The following ZNF407 variants were observed in gnomAD, a reference collection of about 807,000 sequenced individuals.
ZNF407 encodes the protein zinc finger protein 407.
ZNF407 carries 17 observed loss-of-function variants against 131.2 expected under a neutral mutation model. The ratio of observed to expected loss-of-function variants is 0.13; its 90% CI spans 0.09 to 0.19. The LOEUF is 0.19. ZNF407 is among the 10% of genes least tolerant of loss of function. ZNF407 has a pLI of 1.00. For synonymous variants in ZNF407, 1,156 were observed against 1,062.0 expected, an observed-to-expected ratio of 1.09 and a Z score of -1.72; for missense variants, 2,681 against 2,830.6, an observed-to-expected ratio of 0.95 and a Z score of 1.20.
At chr18:74,906,403 C>T (rs765479501) in intron 7 of ZNF407, among the ~76,000 whole-genome samples, 5 of 152,224 alleles carry the variant, frequency 3.3e-5, no homozygotes, top group Admixed American at 2.6e-4. Flanking sequence ...CACCTCTGCC[C>T]CAACTGTCAG....
chr18:74,676,649 T>G (rs936755211), intron 3 of ZNF407, among the ~76,000 whole-genome samples: 1 of 151,916 alleles, frequency 6.6e-6, no homozygotes, highest in Non-Finnish European at 1.5e-5. Context: ...TTAGCCAGGA[T>G]GGTCTCGATC....
At chr18:74,676,652 T>C (rs560976741) in intron 3 of ZNF407, among the ~76,000 whole-genome samples, 7 of 152,044 alleles carry the variant, frequency 4.6e-5, no homozygotes, top group East Asian at 1.9e-4. Flanking sequence ...GCCAGGATGG[T>C]CTCGATCTCC....
rs561993607 is a variant in ZNF407 at position 74,755,382 on chromosome 18, T to A, written c.4803-26046T>A. On this transcript the variant is annotated intron_variant, in intron 3 of 8. Transcript: ENST00000299687. ...ATTGTTATGTGTGAATTTGATCCTGTCATTATGATGTTAGCTGGTTATTTT... is the reference window on the plus strand; with the variant it reads ...ATTGTTATGTGTGAATTTGATCCTGACATTATGATGTTAGCTGGTTATTTT... Among the ~76,000 whole-genome samples, 4 of 152,290 alleles carry A rather than the reference T, an allele frequency of 2.6e-5. No individual in the cohort carries two copies. In the East Asian group the frequency reaches 7.7e-4, roughly 29 times the overall value.
intron 3 of ZNF407, among the ~76,000 whole-genome samples, chr18:74,670,382 A>T (rs1568157353): frequency 6.6e-6 from 1 of 152,188 alleles, no homozygotes; most frequent in Non-Finnish European, 1.5e-5. Flanking sequence ...TGTCTGAAAG[A>T]TCTTAGGTTA....
chr18:74,767,215 A>T (rs1969254405), intron 3 of ZNF407, among the ~76,000 whole-genome samples: 2 of 152,156 alleles, frequency 1.3e-5, no homozygotes, highest in Non-Finnish European at 2.9e-5. Flanking sequence ...CCTGGTCCTG[A>T]CTTCGTTATT....
At chr18:75,046,187 TG>T (rs1173293069) in intron 8 of ZNF407, among the ~76,000 whole-genome samples, 1 of 152,224 alleles carries the variant, frequency 6.6e-6, no homozygotes, top group Non-Finnish European at 1.5e-5. Context: ...GGTGGAGGTA[TG>T]TTCCATTTTC....
At chr18:74,687,854 A>G (rs1301229383) in intron 3 of ZNF407, among the ~76,000 whole-genome samples, 1 of 152,138 alleles carries the variant, frequency 6.6e-6, no homozygotes, top group Non-Finnish European at 1.5e-5. Context: ...TGCCATGAAA[A>G]TGATTTTTTT....
At chr18:74,994,896 A>C (rs1344883004) in intron 8 of ZNF407, among the ~76,000 whole-genome samples, 2 of 152,170 alleles carry the variant, frequency 1.3e-5, no homozygotes, top group African/African-American at 4.8e-5. Context: ...GAAGAAGTTT[A>C]TTATTGATTT....
chr18:74,965,760 A>G (rs1398332238), intron 8 of ZNF407, among the ~76,000 whole-genome samples: 2 of 152,146 alleles, frequency 1.3e-5, no homozygotes, highest in East Asian at 3.8e-4. Context: ...TAGTGGTTAT[A>G]CTTATGTTCC....
At chr18:74,674,762 G>T (rs1467149877) in intron 3 of ZNF407, among the ~76,000 whole-genome samples, 1 of 152,186 alleles carries the variant, frequency 6.6e-6, no homozygotes, top group Non-Finnish European at 1.5e-5. Context: ...TAGGCAATGT[G>T]TAAATGAGTT....
At chr18:74,702,952 G>A (rs1158597000) in intron 3 of ZNF407, among the ~76,000 whole-genome samples, 1 of 152,210 alleles carries the variant, frequency 6.6e-6, no homozygotes, top group Non-Finnish European at 1.5e-5. Flanking sequence ...ACCTGGAGCC[G>A]ATGAACATGG....
intron 3 of ZNF407, among the ~76,000 whole-genome samples, chr18:74,651,142 G>C (rs1599041752): frequency 3.3e-5 from 5 of 152,158 alleles, no homozygotes; most frequent in Admixed American, 3.3e-4. Flanking sequence ...CCCTGTTACT[G>C]TCATCCTTAA....
intron 3 of ZNF407, among the ~76,000 whole-genome samples, chr18:74,737,424 C>G (rs1968443558): frequency 6.6e-6 from 1 of 152,134 alleles, no homozygotes; most frequent in South Asian, 2.1e-4. Flanking sequence ...CTAAACTAAT[C>G]AATACATAAT....
At chr18:74,940,947 A>G (rs1166199434) in intron 8 of ZNF407, among the ~76,000 whole-genome samples, 2 of 152,170 alleles carry the variant, frequency 1.3e-5, no homozygotes, top group African/African-American at 2.4e-5. Context: ...TGGTAGAACA[A>G]TGCACATAAA....
At chr18:74,866,791 T>G (rs1422873745) in intron 4 of ZNF407, among the ~76,000 whole-genome samples, 1 of 149,198 alleles carries the variant, frequency 6.7e-6, no homozygotes, top group African/African-American at 2.4e-5. Flanking sequence ...TCATTATATT[T>G]TATTCATTAT....
At chr18:74,776,221 G>C (rs1211268577) in intron 3 of ZNF407, among the ~76,000 whole-genome samples, 1 of 152,144 alleles carries the variant, frequency 6.6e-6, no homozygotes, top group African/African-American at 2.4e-5. Flanking sequence ...CATAGAAGAC[G>C]CCCTAAGGGG....
rs181646812 is a variant in ZNF407 at position 74,604,022 on chromosome 18, A to G, written c.-54+6085A>G. On this transcript the variant is annotated intron_variant, in intron 1 of 8. Coordinates refer to ENST00000299687, the MANE Select transcript of ZNF407 (RefSeq NM_017757.3). Reference sequence around the variant, plus strand: ...AGTTGATGAGTGCATGTAACATCCAAATGGACTTAGGGGTCTGGTACCTAC... The same window carrying G: ...AGTTGATGAGTGCATGTAACATCCAGATGGACTTAGGGGTCTGGTACCTAC... 2.6e-4 allele frequency among the ~76,000 whole-genome samples: 39 copies of G among 152,292 alleles called. No individual in the cohort carries two copies. In the East Asian group the frequency reaches 7.5e-3, roughly 29 times the overall value.
At chr18:74,601,329 C>CTG (rs60358173) in intron 1 of ZNF407, among the ~76,000 whole-genome samples, 7,356 of 144,754 alleles carry the variant, frequency 0.051, 254 homozygotes, top group African/African-American at 0.11. Context: ...GTGTGTATGT[C>CTG]TGTGTGTGTG....
chr18:74,784,880 A>G (rs183112976), intron 4 of ZNF407, among the ~76,000 whole-genome samples: 3 of 152,342 alleles, frequency 2.0e-5, no homozygotes, highest in Admixed American at 1.3e-4. Context: ...TGCAATTACA[A>G]TGGAAGTGGA....
Sources: gnomAD v4.1 joint callset for allele counts (sites outside exome capture counted in the v4.1 genomes callset) on GRCh38, gnomAD v4.1.1 for gene constraint, MANE v1.5 for transcripts, NCBI Gene and HGNC (gene_info 2026-07-23, HGNC 2026-07-21) for gene names.